The following MBOAT2 variants were observed in gnomAD, a reference collection of about 807,000 sequenced individuals.
MBOAT2 encodes membrane bound glycerophospholipid O-acyltransferase 2.
A neutral mutation model predicts 63.4 loss-of-function variants in MBOAT2; 28 were observed. That is an observed-to-expected ratio of 0.44 (90% confidence interval 0.33 to 0.61). The LOEUF (loss-of-function observed/expected upper bound fraction) is 0.61. Among genes scored for constraint, MBOAT2 ranks in the 20% least tolerant of loss-of-function variants. MBOAT2 has a pLI of 0.03. For missense variants in MBOAT2, 470 were observed against 605.8 expected (o/e 0.78, Z 2.35); for synonymous variants, 211 against 215.6 (o/e 0.98, Z 0.19).
chr2:8,864,141 A>C, intron 10 of MBOAT2, 29 bp downstream of exon 10: 1 of 1,509,840 alleles, frequency 6.6e-7, no homozygotes, highest in South Asian at 1.3e-5. Flanking sequence ...GCCAAAGCAC[A>C]TCTAAAGATC....
rs552914592 is a variant in MBOAT2, at chr2:8,890,796, C to T, written c.396-2723G>A. ...CAGCCTCTCAAAAGTACTGAACTTA[C>T]AGGTGTGAGCCACCGTGCCTGGCCA... On this transcript the variant is annotated intron_variant, in intron 4 of 12. Transcript: ENST00000305997. Among the ~76,000 whole-genome samples, 7 of 152,218 alleles carry T rather than the reference C, an allele frequency of 4.6e-5. No homozygotes were observed. In the South Asian group the frequency reaches 6.2e-4, roughly 13 times the overall value.
At chr2:8,873,670 A>G (rs1054130718) in intron 7 of MBOAT2, among the ~76,000 whole-genome samples, 3 of 152,218 alleles carry the variant, frequency 2.0e-5, no homozygotes, top group African/African-American at 7.2e-5. Context: ...ATGGATATAT[A>G]TATTTTTTCC....
intron 3 of MBOAT2, among the ~76,000 whole-genome samples, chr2:8,909,049 T>C (rs1189204146): frequency 6.6e-6 from 1 of 152,166 alleles, no homozygotes; most frequent in South Asian, 2.1e-4. Flanking sequence ...ACACAAAAGT[T>C]AGCACAAAAA....
chr2:8,895,345 C>T (rs903965334), intron 4 of MBOAT2, among the ~76,000 whole-genome samples: 7 of 152,054 alleles, frequency 4.6e-5, no homozygotes, highest in African/African-American at 7.2e-5. Flanking sequence ...CTGATTGGTC[C>T]GTTTTACAGA....
chr2:8,873,576 T>A (rs976607540), intron 7 of MBOAT2, among the ~76,000 whole-genome samples: 1 of 152,146 alleles, frequency 6.6e-6, no homozygotes, highest in Non-Finnish European at 1.5e-5. Flanking sequence ...AATAAAAAAA[T>A]CTAAAAGCAA....
At chr2:8,938,537 C>A (rs887728613) in intron 3 of MBOAT2, among the ~76,000 whole-genome samples, 3 of 151,170 alleles carry the variant, frequency 2.0e-5, no homozygotes, top group East Asian at 3.9e-4. Flanking sequence ...CATGCCGCCA[C>A]GTTTCATGCC....
intron 4 of MBOAT2, among the ~76,000 whole-genome samples, chr2:8,889,332 C>T (rs1663810628): frequency 6.6e-6 from 1 of 152,258 alleles, no homozygotes; most frequent in Non-Finnish European, 1.5e-5. Context: ...ATTTGATTCA[C>T]AGACCTGGGC....
intron 3 of MBOAT2, among the ~76,000 whole-genome samples, chr2:8,913,613 C>T (rs1285508186): frequency 6.6e-6 from 1 of 152,130 alleles, no homozygotes; most frequent in Non-Finnish European, 1.5e-5. Flanking sequence ...AAATGCAAAT[C>T]AAAACCACAA....
intron 6 of MBOAT2, among the ~76,000 whole-genome samples, chr2:8,878,954 T>G (rs1264772328): frequency 1.3e-5 from 2 of 150,536 alleles, no homozygotes; most frequent in Non-Finnish European, 3.0e-5. Context: ...CGGGCGCCTG[T>G]AGTCCCAGCT....
chr2:8,952,176 A>G (rs1159509169), intron 2 of MBOAT2, among the ~76,000 whole-genome samples: 1 of 152,142 alleles, frequency 6.6e-6, no homozygotes, highest in Non-Finnish European at 1.5e-5. Context: ...TTCATTGTTT[A>G]TCCGAAGCAA....
chr2:9,001,625 G>C (rs569438997), intron 1 of MBOAT2, among the ~76,000 whole-genome samples: 4 of 152,284 alleles, frequency 2.6e-5, no homozygotes, highest in African/African-American at 7.2e-5. Flanking sequence ...AAGACCTTTA[G>C]CTAATAAAGA....
chr2:8,915,722 C>G (rs1666123412), intron 3 of MBOAT2, among the ~76,000 whole-genome samples: 1 of 152,170 alleles, frequency 6.6e-6, no homozygotes, highest in Non-Finnish European at 1.5e-5. Context: ...TTCAGTGCCA[C>G]AGTCCATTTA....
At chr2:8,943,595 T>C (rs1327651373) in intron 2 of MBOAT2, among the ~76,000 whole-genome samples, 1 of 152,190 alleles carries the variant, frequency 6.6e-6, no homozygotes, top group Non-Finnish European at 1.5e-5. Flanking sequence ...TTTTAAAAAG[T>C]AATTAATATG....
chr2:8,937,866 G>A (rs1344184904), intron 3 of MBOAT2, among the ~76,000 whole-genome samples: 2 of 152,160 alleles, frequency 1.3e-5, no homozygotes, highest in Non-Finnish European at 2.9e-5. Context: ...GAGACAGACA[G>A]GACATGCTCC....
At chr2:8,983,878 A>G (rs946556013) in intron 1 of MBOAT2, among the ~76,000 whole-genome samples, 1 of 152,202 alleles carries the variant, frequency 6.6e-6, no homozygotes, top group Non-Finnish European at 1.5e-5. Context: ...GTTTTAAAAT[A>G]AAGAAAAATT....
intron 4 of MBOAT2, among the ~76,000 whole-genome samples, chr2:8,904,404 G>A (rs533602722): frequency 2.0e-5 from 3 of 151,358 alleles, no homozygotes; most frequent in South Asian, 4.2e-4. Flanking sequence ...CTCAACCTCC[G>A]AAACTCAAGC....
intron 3 of MBOAT2, among the ~76,000 whole-genome samples, chr2:8,921,716 ACT>A (rs1315262028): frequency 6.6e-6 from 1 of 152,120 alleles, no homozygotes; most frequent in African/African-American, 2.4e-5. Flanking sequence ...TGAATATGTC[ACT>A]CTATTTCCTT....
chr2:8,912,345 AAGAAAG>A (rs760522579), intron 3 of MBOAT2, among the ~76,000 whole-genome samples: 33 of 87,718 alleles, frequency 3.8e-4, no homozygotes, highest in African/African-American at 8.1e-4. Flanking sequence ...GAAAGAAAGA[AAGAAAG>A]AGAAAGAAAG....
At chr2:8,921,488 G>A (rs1380506475) in intron 3 of MBOAT2, among the ~76,000 whole-genome samples, 1 of 152,146 alleles carries the variant, frequency 6.6e-6, no homozygotes, top group Non-Finnish European at 1.5e-5. Flanking sequence ...TAAGAAAAGA[G>A]ACATGTATAT....
Sources: gnomAD v4.1 joint callset for allele counts (sites outside exome capture counted in the v4.1 genomes callset) on GRCh38, gnomAD v4.1.1 for gene constraint, MANE v1.5 for transcripts, NCBI Gene and HGNC (gene_info 2026-07-23, HGNC 2026-07-21) for gene names.